CFAP61: variants seen among roughly 807,000 people sequenced by gnomAD.
The protein encoded by CFAP61 is cilia and flagella associated protein 61.
In CFAP61, 107 loss-of-function variants were observed where a neutral mutation model predicts 135.6. The observed-to-expected ratio is 0.79, with a 90% confidence interval of 0.67 to 0.93. CFAP61 has a LOEUF of 0.93. CFAP61 is among the 40% of genes least tolerant of loss of function. CFAP61 has a pLI of 0.00. For missense variants in CFAP61, 1,507 were observed against 1,556.2 expected, an observed-to-expected ratio of 0.97 and a Z score of 0.53; for synonymous variants, 575 against 578.5, an observed-to-expected ratio of 0.99 and a Z score of 0.09.
At chr20:20,118,253 G>GTTCCATTCTTTC in intron 8 of CFAP61, among the ~76,000 whole-genome samples, 1 of 138,610 alleles carries the variant, frequency 7.2e-6, no homozygotes, top group East Asian at 2.1e-4. Flanking sequence ...TTTGAGGTAT[G>GTTCCATTCTTTC]TTTCTTTCTT....
intron 9 of CFAP61, among the ~76,000 whole-genome samples, chr20:20,152,830 C>G (rs187769766): frequency 1.4e-3 from 217 of 151,672 alleles, no homozygotes; most frequent in Admixed American, 2.4e-3. Context: ...AGAAAGTCAA[C>G]AAAAAAAATG....
intron 6 of CFAP61, among the ~76,000 whole-genome samples, chr20:20,090,634 G>A (rs1007553054): frequency 6.7e-6 from 1 of 148,604 alleles, no homozygotes; most frequent in Non-Finnish European, 1.5e-5. Flanking sequence ...AGGTTGCAAT[G>A]AGCCGAGATC....
intron 13 of CFAP61, among the ~76,000 whole-genome samples, chr20:20,186,551 CTTG>C (rs1378845391): frequency 6.6e-6 from 1 of 152,036 alleles, no homozygotes; most frequent in African/African-American, 2.4e-5. Flanking sequence ...CTTTTGTGGT[CTTG>C]TTTGTTACAT....
Position 20,301,824 on chromosome 20 carries a change from C to T in CFAP61, c.3422+3438C>T, listed in dbSNP as rs563073100. Among the ~76,000 whole-genome samples, 9 of 152,266 alleles carry T rather than the reference C, an allele frequency of 5.9e-5. No individual in the cohort carries two copies. The South Asian group carries it at 1.9e-3, about 32-fold the overall frequency. ...CTTTTTACTTTCTTTATGATGTCAA[C>T]AATATTCTTAATTTAATAGAATGTT... On this transcript the variant is annotated intron_variant, in intron 25 of 26. Coordinates refer to ENST00000245957, the MANE Select transcript of CFAP61 (RefSeq NM_015585.4).
At chr20:20,181,274 T>TACACACAC (rs1555898649) in intron 13 of CFAP61, among the ~76,000 whole-genome samples, 2 of 32,812 alleles carry the variant, frequency 6.1e-5, no homozygotes, top group Non-Finnish European at 9.2e-5. Context: ...TATGTGTATG[T>TACACACAC]ATACACACAC....
At chr20:20,193,864 T>G (rs2056101124) in intron 15 of CFAP61, among the ~76,000 whole-genome samples, 1 of 152,148 alleles carries the variant, frequency 6.6e-6, no homozygotes, top group Admixed American at 6.5e-5. Context: ...TCTGCCCCCC[T>G]CAACCTCCCA....
intron 3 of CFAP61, among the ~76,000 whole-genome samples, chr20:20,073,260 C>T (rs1322115566): frequency 6.6e-6 from 1 of 152,168 alleles, no homozygotes; most frequent in African/African-American, 2.4e-5. Context: ...GAAATCATGT[C>T]GTCGTCATCG....
In CFAP61 at chr20:20,090,990, T is replaced by A. The variant is rs6046614; in HGVS notation, c.699+14T>A. The A allele has an allele frequency of 6.2e-7, 1 of 1,613,646 alleles. No individual in the cohort carries two copies. Among genetic ancestry groups the A allele is most frequent in the Non-Finnish European group, 8.5e-7 (1 of 1,179,740 alleles). On this transcript the variant is annotated intron_variant, in intron 7 of 26. Coordinates refer to ENST00000245957, the MANE Select transcript of CFAP61 (RefSeq NM_015585.4). Reference sequence around the variant, plus strand: ...GTTGTGTGTGAGGTCAGTGACTGATTCATGTGGGAACACACTTAGTGAGAG... The same window carrying A: ...GTTGTGTGTGAGGTCAGTGACTGATACATGTGGGAACACACTTAGTGAGAG...
chr20:20,079,008 A>G (rs963337459), intron 6 of CFAP61, among the ~76,000 whole-genome samples: 3 of 152,244 alleles, frequency 2.0e-5, no homozygotes, highest in African/African-American at 7.2e-5. Context: ...AAATGGGCCA[A>G]CTACTTTAGG....
At chr20:20,259,772 G>C (rs542301009) in intron 20 of CFAP61, 14 of 152,190 alleles carry the variant, frequency 9.2e-5, no homozygotes, top group Admixed American at 3.9e-4. Context: ...TTTTTCAGCC[G>C]AGCATATTTC....
chr20:20,125,510 A>G (rs934056990), intron 8 of CFAP61, among the ~76,000 whole-genome samples: 2 of 151,728 alleles, frequency 1.3e-5, no homozygotes, highest in South Asian at 2.1e-4. Context: ...TTTAATTTCC[A>G]CATACTTGCA....
chr20:20,267,426 G>A (rs539440541), intron 21 of CFAP61: 194 of 152,540 alleles, frequency 1.3e-3, no homozygotes, highest in Non-Finnish European at 1.9e-3. Context: ...AGCACTTTGG[G>A]AAAATGGCCT....
At chr20:20,333,301 T>C (rs2058064997) in intron 25 of CFAP61, among the ~76,000 whole-genome samples, 1 of 152,206 alleles carries the variant, frequency 6.6e-6, no homozygotes, top group Admixed American at 6.5e-5. Flanking sequence ...TAGTAACTCT[T>C]GGAACAAAGG....
intron 25 of CFAP61, among the ~76,000 whole-genome samples, chr20:20,305,459 G>A (rs1294429155): frequency 6.6e-6 from 1 of 152,190 alleles, no homozygotes; most frequent in Non-Finnish European, 1.5e-5. Context: ...CATTCCAGGT[G>A]CCTGTTTTTC....
chr20:20,271,628 G>A (rs1277393615), intron 21 of CFAP61, among the ~76,000 whole-genome samples: 4 of 152,176 alleles, frequency 2.6e-5, no homozygotes, highest in Non-Finnish European at 5.9e-5. Flanking sequence ...CCTACTGCCC[G>A]TCTCAGATCT....
At chr20:20,095,202 C>G (rs2047479492) in intron 7 of CFAP61, among the ~76,000 whole-genome samples, 1 of 152,104 alleles carries the variant, frequency 6.6e-6, no homozygotes, top group Non-Finnish European at 1.5e-5. Context: ...TCCCTCCCAA[C>G]TACATGTTTA....
intron 18 of CFAP61, among the ~76,000 whole-genome samples, chr20:20,241,576 G>A (rs908142349): frequency 6.6e-6 from 1 of 152,138 alleles, no homozygotes; most frequent in African/African-American, 2.4e-5. Flanking sequence ...TAAATCATCT[G>A]ATCCATGTTG....
intron 25 of CFAP61, among the ~76,000 whole-genome samples, chr20:20,335,550 C>G (rs540410469): frequency 6.6e-5 from 10 of 152,180 alleles, no homozygotes; most frequent in Non-Finnish European, 1.2e-4. Flanking sequence ...GGAGATGAGT[C>G]CTCTTTTTCC....
At chr20:20,105,167 C>T (rs1231461747) in intron 8 of CFAP61, among the ~76,000 whole-genome samples, 1 of 152,124 alleles carries the variant, frequency 6.6e-6, no homozygotes, top group Admixed American at 6.5e-5. Flanking sequence ...CTTCCCCTGG[C>T]TGGATGTAAG....
Sources: gnomAD v4.1 joint callset for allele counts (sites outside exome capture counted in the v4.1 genomes callset) on GRCh38, gnomAD v4.1.1 for gene constraint, MANE v1.5 for transcripts, NCBI Gene and HGNC (gene_info 2026-07-23, HGNC 2026-07-21) for gene names.